The following APBB1IP variants were observed in gnomAD, a reference collection of about 807,000 sequenced individuals.
APBB1IP encodes the protein amyloid beta A4 precursor protein-binding family B member 1-interacting protein.
APBB1IP carries 27 observed loss-of-function variants against 64.9 expected under a neutral mutation model. The ratio of observed to expected loss-of-function variants is 0.42; its 90% CI spans 0.31 to 0.57. The LOEUF is 0.57. Among genes scored for constraint, APBB1IP ranks in the 20% least tolerant of loss-of-function variants. The pLI, the probability that APBB1IP is intolerant of heterozygous loss-of-function variation, is 0.20. For missense variants in APBB1IP, 812 were observed against 845.5 expected, an observed-to-expected ratio of 0.96 and a Z score of 0.49; for synonymous variants, 392 against 331.0, an observed-to-expected ratio of 1.18 and a Z score of -2.00.
chr10:26,562,456 A>G, intron 14 of APBB1IP, 27 bp downstream of exon 14: 1 of 1,578,512 alleles, frequency 6.3e-7, no homozygotes, highest in Non-Finnish European at 8.7e-7. Context: ...GCTGACCCCT[A>G]TAAGCCATGT....
At chr10:26,566,356 A>G (rs1179230528) in intron 14 of APBB1IP, among the ~76,000 whole-genome samples, 1 of 152,176 alleles carries the variant, frequency 6.6e-6, no homozygotes, top group Non-Finnish European at 1.5e-5. Flanking sequence ...CCAAGTTAAA[A>G]CAATTCTTAT....
Position 26,567,264 on chromosome 10 carries a change from A to T in APBB1IP, c.1777A>T (p.Ile593Phe), listed in dbSNP as rs1381314723. 1 of 1,245,632 alleles carries T rather than the reference A, an allele frequency of 8.0e-7. No homozygotes were observed. Among genetic ancestry groups the T allele is most frequent in the Non-Finnish European group, 1.0e-6 (1 of 985,784 alleles). 77.2% of individuals were successfully genotyped at this position (1,245,632 alleles called of 1,614,324 possible). Residue 593 changes from isoleucine (I) to phenylalanine (F), a missense_variant, in exon 15 of 15, where the codon ATC becomes TTC. Physicochemically the swap from Ile to Phe is conservative, Grantham distance 21. Transcript: ENST00000376236. Reference protein sequence around the residue: ...VPPPPPSYAGIAGSELPPPPP... With the variant: ...VPPPPPSYAGFAGSELPPPPP... Reference sequence around the variant, plus strand: ...CCCGCCCCCGCCGTCGTACGCAGGGATCGCGGGCTCAGAGCTGCCCCCGCC... The same window carrying T: ...CCCGCCCCCGCCGTCGTACGCAGGGTTCGCGGGCTCAGAGCTGCCCCCGCC...
At chr10:26,553,629 G>C (rs899089484) in intron 11 of APBB1IP, among the ~76,000 whole-genome samples, 2 of 152,142 alleles carry the variant, frequency 1.3e-5, no homozygotes, top group African/African-American at 4.8e-5. Flanking sequence ...CTGCACTCCA[G>C]CCTGGGCAAC....
At chr10:26,528,821 C>CTGT (rs1836512494) in intron 8 of APBB1IP, among the ~76,000 whole-genome samples, 1 of 152,128 alleles carries the variant, frequency 6.6e-6, no homozygotes, top group East Asian at 1.9e-4. Context: ...CCTGTAGCCC[C>CTGT]AGCTACTTGC....
chr10:26,536,139 T>C lies in APBB1IP; in HGVS notation c.966T>C (p.Asp322=), dbSNP rs749331473. Reference sequence around the variant, plus strand: ...AAGGAGCTCTTTATTTGAAAGAAGATGGAAAGAAATCCTGGAAAAGGCGCT... The same window carrying C: ...AAGGAGCTCTTTATTTGAAAGAAGACGGAAAGAAATCCTGGAAAAGGCGCT... The part of the protein sequence containing the change: ...ELEGALYLKE[D]GKKSWKRRYF... The change falls in exon 10 of 15, where the codon GAT becomes GAC. Residue 322 remains aspartate, a synonymous_variant. Coordinates refer to ENST00000376236, the MANE Select transcript of APBB1IP (RefSeq NM_019043.4). 7 of 1,606,804 alleles carry C rather than the reference T, an allele frequency of 4.4e-6. No homozygotes were observed. The South Asian group carries it at 5.6e-5, about 13-fold the overall frequency.
In APBB1IP at chr10:26,486,826, T is replaced by C. The variant is rs1040929534; in HGVS notation, c.1-5501T>C. Reference sequence around the variant, plus strand: ...GTGGAAAAGAGAAACGATTTAAGGATTGAAAAACTGAAGCCTAGAAATATT... The same window carrying C: ...GTGGAAAAGAGAAACGATTTAAGGACTGAAAAACTGAAGCCTAGAAATATT... On this transcript the variant is annotated intron_variant, in intron 2 of 14. Transcript: ENST00000376236. Among the ~76,000 whole-genome samples, 9 of 152,278 alleles carry C rather than the reference T, an allele frequency of 5.9e-5. No homozygotes were observed. The East Asian group carries it at 9.6e-4, about 16-fold the overall frequency.
intron 11 of APBB1IP, among the ~76,000 whole-genome samples, chr10:26,549,011 G>A (rs974929881): frequency 1.3e-5 from 2 of 152,114 alleles, no homozygotes; most frequent in Admixed American, 1.3e-4. Context: ...GTTGAAGTAT[G>A]TTTCTTCTAT....
intron 8 of APBB1IP, among the ~76,000 whole-genome samples, chr10:26,527,271 G>A (rs1836486371): frequency 6.6e-6 from 1 of 152,184 alleles, no homozygotes. Flanking sequence ...TTAGAGGCCA[G>A]GCATGGTGGC....
At chr10:26,472,256 A>G (rs1315481376) in intron 2 of APBB1IP, among the ~76,000 whole-genome samples, 2 of 152,212 alleles carry the variant, frequency 1.3e-5, no homozygotes, top group African/African-American at 4.8e-5. Context: ...AGCAAGCTAC[A>G]CATTTTCAAC....
chr10:26,523,334 A>T (rs953705955), intron 8 of APBB1IP, among the ~76,000 whole-genome samples: 1 of 152,184 alleles, frequency 6.6e-6, no homozygotes, highest in Non-Finnish European at 1.5e-5. Context: ...ATAATTAGGT[A>T]CCTTCTATTA....
At chr10:26,481,366 T>G (rs953524450) in intron 2 of APBB1IP, among the ~76,000 whole-genome samples, 3 of 152,200 alleles carry the variant, frequency 2.0e-5, no homozygotes, top group Non-Finnish European at 4.4e-5. Flanking sequence ...CCAAATTGCT[T>G]TGATTTTATG....
intron 2 of APBB1IP, among the ~76,000 whole-genome samples, chr10:26,450,268 C>T (rs931692392): frequency 4.1e-4 from 63 of 152,128 alleles, no homozygotes; most frequent in Admixed American, 1.6e-3. Context: ...ATGTAGCATG[C>T]GCTCAAAAAT....
At position 26,567,040 on chromosome 10, in the gene APBB1IP, C is replaced by A. The variant is rs766768599; in HGVS notation, c.1553C>A (p.Pro518Gln). Reference sequence around the variant, plus strand: ...CACGCCCCCAAGTCCAGCCTGCCCCCGCCCCCTCCGGTGCGGAGGTCCTCC... The same window carrying A: ...CACGCCCCCAAGTCCAGCCTGCCCCAGCCCCCTCCGGTGCGGAGGTCCTCC... ...APHAPKSSLP[P>Q]PPPVRRSSDT... Residue 518 changes from proline (P) to glutamine (Q), a missense_variant, in exon 15 of 15, where the codon CCG (proline) becomes CAG (glutamine). This residue lies in a region of APBB1IP where 381 missense variants were observed against 352.1 expected (regional missense o/e 1.08). Transcript: ENST00000376236. 2 of 1,536,640 alleles carry A rather than the reference C, an allele frequency of 1.3e-6. No individual in the cohort carries two copies. Among genetic ancestry groups the A allele is most frequent in the Non-Finnish European group, 8.7e-7 (1 of 1,154,854 alleles).
At chr10:26,463,061 A>T (rs1835611071) in intron 2 of APBB1IP, among the ~76,000 whole-genome samples, 1 of 152,228 alleles carries the variant, frequency 6.6e-6, no homozygotes, top group Non-Finnish European at 1.5e-5. Context: ...ATCAGACAGT[A>T]AACTTCAGCC....
chr10:26,534,731 A>G (rs552206432), intron 9 of APBB1IP, among the ~76,000 whole-genome samples: 1 of 152,358 alleles, frequency 6.6e-6, no homozygotes, highest in East Asian at 1.9e-4. Flanking sequence ...GCCTGGGAGC[A>G]TGAGCACAGT....
At chr10:26,554,305 G>A (rs750012251) in intron 11 of APBB1IP, among the ~76,000 whole-genome samples, 2 of 152,164 alleles carry the variant, frequency 1.3e-5, no homozygotes, top group Non-Finnish European at 2.9e-5. Flanking sequence ...CCAAATCAAG[G>A]TGATATTGGA....
intron 4 of APBB1IP, 24 bp from the exon 5 acceptor site, chr10:26,500,795 C>CT (rs755615530): frequency 1.9e-6 from 3 of 1,589,474 alleles, no homozygotes; most frequent in Non-Finnish European, 2.6e-6. Flanking sequence ...GTTTTTATAC[C>CT]ATTAATGTGA....
At chr10:26,510,734 TCACACACACACACA>T (rs1554776713) in intron 6 of APBB1IP, among the ~76,000 whole-genome samples, 4 of 135,890 alleles carry the variant, frequency 2.9e-5, no homozygotes, top group Non-Finnish European at 6.3e-5. Context: ...AGACCCTGTC[TCACACACACACACA>T]CACACACACA....
intron 9 of APBB1IP, among the ~76,000 whole-genome samples, chr10:26,535,164 A>G (rs1421111378): frequency 6.6e-6 from 1 of 152,132 alleles, no homozygotes; most frequent in Non-Finnish European, 1.5e-5. Context: ...CTATAATCCT[A>G]TGCAAGTTTT....
Sources: allele counts gnomAD v4.1 joint callset (sites outside exome capture counted in the v4.1 genomes callset), GRCh38; gene constraint gnomAD v4.1.1; regional missense constraint gnomAD v4.1.1; transcripts MANE v1.5; gene names NCBI Gene and HGNC (gene_info 2026-07-23, HGNC 2026-07-21).